ULK4: variants seen among roughly 807,000 people sequenced by gnomAD.
ULK4 encodes unc-51 like kinase 4.
ULK4 carries 133 observed loss-of-function variants against 160.6 expected under a neutral mutation model. The observed-to-expected ratio is 0.83, with a 90% confidence interval of 0.72 to 0.96. ULK4 has a LOEUF of 0.96. ULK4 is among the 40% of genes least tolerant of loss of function. The pLI, the probability that ULK4 is intolerant of heterozygous loss-of-function variation, is 0.00. For missense variants in ULK4, 1,580 were observed against 1,499.5 expected, an observed-to-expected ratio of 1.05 and a Z score of -0.89; for synonymous variants, 534 against 539.8, an observed-to-expected ratio of 0.99 and a Z score of 0.15.
chr3:41,690,968 G>C (rs557864749), intron 27 of ULK4, among the ~76,000 whole-genome samples: 1 of 151,664 alleles, frequency 6.6e-6, no homozygotes, highest in Non-Finnish European at 1.5e-5. Context: ...GGTGATAGGC[G>C]GTTGTTAACT....
intron 34 of ULK4, among the ~76,000 whole-genome samples, chr3:41,433,392 T>C (rs1321820847): frequency 6.6e-6 from 1 of 152,214 alleles, no homozygotes; most frequent in Non-Finnish European, 1.5e-5. Flanking sequence ...AAACTGGTCC[T>C]CTAGCTTTTA....
chr3:41,776,027 T>C (rs918013134), intron 21 of ULK4, among the ~76,000 whole-genome samples: 2 of 151,020 alleles, frequency 1.3e-5, no homozygotes, highest in Admixed American at 6.6e-5. Context: ...GGCTCAGGTA[T>C]GTGCATCTTC....
intron 33 of ULK4, among the ~76,000 whole-genome samples, chr3:41,456,013 G>A (rs1376308402): frequency 1.3e-5 from 2 of 152,084 alleles, no homozygotes; most frequent in East Asian, 3.9e-4. Context: ...GGGTTCAAGC[G>A]ATTCTCCTGA....
At chr3:41,673,519 T>C (rs1282663107) in intron 29 of ULK4, among the ~76,000 whole-genome samples, 1 of 152,162 alleles carries the variant, frequency 6.6e-6, no homozygotes, top group Non-Finnish European at 1.5e-5. Context: ...GAAGTTATTA[T>C]GGCCCTGATG....
chr3:41,726,275 T>A (rs1016661925), intron 22 of ULK4, among the ~76,000 whole-genome samples: 11 of 152,158 alleles, frequency 7.2e-5, no homozygotes, highest in African/African-American at 2.7e-4. Context: ...ACTAATGGGA[T>A]CCATAACAGT....
At chr3:41,674,520 G>A (rs558838692) in intron 29 of ULK4, among the ~76,000 whole-genome samples, 6 of 152,178 alleles carry the variant, frequency 3.9e-5, no homozygotes, top group South Asian at 2.1e-4. Context: ...CTCATTAATC[G>A]CACAGATAAC....
chr3:41,797,430 A>T (rs970722267), intron 20 of ULK4, among the ~76,000 whole-genome samples: 1 of 152,180 alleles, frequency 6.6e-6, no homozygotes, highest in African/African-American at 2.4e-5. Flanking sequence ...TGGAGGTTTA[A>T]TGAGGAAACA....
chr3:41,723,947 C>T (rs1473870978), intron 22 of ULK4, among the ~76,000 whole-genome samples: 5 of 152,202 alleles, frequency 3.3e-5, no homozygotes, highest in African/African-American at 1.2e-4. Context: ...TAGCCAGAGA[C>T]ATTCATGCTA....
At chr3:41,657,257 G>T (rs1263396481) in intron 30 of ULK4, among the ~76,000 whole-genome samples, 2 of 152,058 alleles carry the variant, frequency 1.3e-5, no homozygotes, top group Non-Finnish European at 2.9e-5. Flanking sequence ...CAGCAACTAA[G>T]AATTCTATAA....
At chr3:41,493,667 T>A (rs76545809) in intron 32 of ULK4, among the ~76,000 whole-genome samples, 1 of 148,620 alleles carries the variant, frequency 6.7e-6, no homozygotes, top group East Asian at 1.9e-4. Flanking sequence ...ATCAACAAAA[T>A]TGATAGACTG....
chr3:41,813,505 T>G (rs2040874735), intron 19 of ULK4, among the ~76,000 whole-genome samples: 1 of 152,174 alleles, frequency 6.6e-6, no homozygotes, highest in Non-Finnish European at 1.5e-5. Flanking sequence ...GACAAATAAT[T>G]TATACATTTA....
At chr3:41,906,790 C>T (rs1031389161) in intron 12 of ULK4, among the ~76,000 whole-genome samples, 2 of 152,084 alleles carry the variant, frequency 1.3e-5, no homozygotes, top group Non-Finnish European at 2.9e-5. Context: ...GTCAAGAGAT[C>T]AAGACCATCA....
At chr3:41,423,255 G>A (rs78549853) in intron 34 of ULK4, among the ~76,000 whole-genome samples, 1,684 of 152,220 alleles carry the variant, frequency 0.011, 11 homozygotes, top group Middle Eastern at 0.017. Flanking sequence ...GAAGACTTCC[G>A]TTTTACTTTA....
intron 21 of ULK4, among the ~76,000 whole-genome samples, chr3:41,774,516 C>T (rs1443787770): frequency 1.3e-5 from 2 of 149,268 alleles, no homozygotes; most frequent in Non-Finnish European, 2.9e-5. Context: ...ATCAAAACCA[C>T]AATGAGATAC....
At chr3:41,598,805 T>G (rs1183095201) in intron 31 of ULK4, among the ~76,000 whole-genome samples, 1 of 152,208 alleles carries the variant, frequency 6.6e-6, no homozygotes. Context: ...ATTATGTAAG[T>G]GTATTATTGC....
intron 35 of ULK4, among the ~76,000 whole-genome samples, chr3:41,317,398 T>G (rs1008144545): frequency 6.6e-6 from 1 of 152,166 alleles, no homozygotes; most frequent in Admixed American, 6.5e-5. Context: ...TTTTCAGCAA[T>G]TCAAACTCAT....
At chr3:41,950,835 T>A (rs939192664) in intron 2 of ULK4, among the ~76,000 whole-genome samples, 1 of 151,918 alleles carries the variant, frequency 6.6e-6, no homozygotes, top group Non-Finnish European at 1.5e-5. Context: ...AAAAAACTTC[T>A]GAAAGAAATT....
chr3:41,938,100 G>A lies in ULK4; in HGVS notation c.236C>T (p.Thr79Ile), dbSNP rs369649444. Residue 79 changes from threonine to isoleucine, a missense_variant and splice_region_variant, in exon 3 of 37, where the codon ACA becomes ATA. By Grantham distance (89) the Thr-to-Ile change is moderately conservative. Coordinates refer to ENST00000301831, the MANE Select transcript of ULK4 (RefSeq NM_017886.4). ...ACTTTTTACATACTCTTTCTTACCT[G>A]TGCAGAGTTCCACCACTAGCCAGAG... ...NHLWLVVELC[T>I]GGSLKTVIAQ... 27 of 1,606,968 alleles carry A rather than the reference G, an allele frequency of 1.7e-5. No individual in the cohort carries two copies. Among genetic ancestry groups the A allele is most frequent in the Admixed American group, 3.4e-5 (2 of 59,536 alleles).
In ULK4 at chr3:41,860,799, T is replaced by G. The variant is rs556005632; in HGVS notation, c.1656+23075A>C. 2.0e-5 allele frequency among the ~76,000 whole-genome samples: 3 copies of G among 152,320 alleles called. No homozygotes were observed. The East Asian group carries it at 5.8e-4, about 29-fold the overall frequency. On this transcript the variant is annotated intron_variant, in intron 17 of 36. Transcript: ENST00000301831. ...TTGTTTTGTGATCTTCTCTTCCTTCTTTCTTTCCTATCCTCCACTAGTGAA... is the reference window on the plus strand; with the variant it reads ...TTGTTTTGTGATCTTCTCTTCCTTCGTTCTTTCCTATCCTCCACTAGTGAA...
Sources: allele counts gnomAD v4.1 joint callset (sites outside exome capture counted in the v4.1 genomes callset), GRCh38; gene constraint gnomAD v4.1.1; transcripts MANE v1.5; gene names NCBI Gene and HGNC (gene_info 2026-07-23, HGNC 2026-07-21).